CNTN4: variants seen among roughly 807,000 people sequenced by gnomAD.
CNTN4 encodes contactin 4.
A neutral mutation model predicts 122.5 loss-of-function variants in CNTN4; 77 were observed. The observed-to-expected ratio is 0.63, with a 90% CI of 0.52 to 0.76. The LOEUF (loss-of-function observed/expected upper bound fraction) is 0.76, where lower values mean the gene tolerates loss of function less well. CNTN4 is among the 30% of genes least tolerant of loss of function. CNTN4 has a pLI of 0.00. For synonymous variants in CNTN4, 512 were observed against 447.0 expected, an observed-to-expected ratio of 1.15 and a Z score of -1.83; for missense variants, 1,256 against 1,259.1, an observed-to-expected ratio of 1.00 and a Z score of 0.04.
intron 7 of CNTN4, among the ~76,000 whole-genome samples, chr3:2,835,109 GT>G (rs2093196102): frequency 6.6e-6 from 1 of 151,396 alleles, no homozygotes; most frequent in South Asian, 2.1e-4. Context: ...GTTTCACCGT[GT>G]TAGCCAGGAT....
rs896974764 is a variant in CNTN4 at position 2,885,115 on chromosome 3, A to G, written c.755+1868A>G. On this transcript the variant is annotated intron_variant, in intron 9 of 24. Coordinates refer to ENST00000418658, the MANE Select transcript of CNTN4 (RefSeq NM_175607.3). ...TGATGGCTTTAATGTTTTAAATACC[A>G]TCTCAGGTTTCCCAGAGAAGATTAG... Among the ~76,000 whole-genome samples, 7 of 152,342 alleles carry G rather than the reference A, an allele frequency of 4.6e-5. 1 individual carries two copies. The highest frequency in any genetic ancestry group is 2.4e-5 in the African/African-American group (1 of 41,580).
intron 3 of CNTN4, among the ~76,000 whole-genome samples, chr3:2,478,836 A>T (rs984552322): frequency 1.3e-5 from 2 of 152,162 alleles, no homozygotes; most frequent in Non-Finnish European, 2.9e-5. Context: ...TCTGTCACTG[A>T]TGGACATTTA....
At chr3:2,793,056 C>T (rs1234893847) in intron 6 of CNTN4, among the ~76,000 whole-genome samples, 1 of 152,116 alleles carries the variant, frequency 6.6e-6, no homozygotes, top group Non-Finnish European at 1.5e-5. Flanking sequence ...AGTTCAGTTG[C>T]TGAATTATTT....
chr3:2,877,367 G>A (rs934261703), intron 8 of CNTN4, among the ~76,000 whole-genome samples: 6 of 152,146 alleles, frequency 3.9e-5, no homozygotes, highest in Non-Finnish European at 7.3e-5. Flanking sequence ...TTCAAGTGCC[G>A]TAACCTTCAT....
In CNTN4 at chr3:2,810,801, G is replaced by T. The variant is rs115033861; in HGVS notation, c.359-8685G>T. 6.2e-3 allele frequency among the ~76,000 whole-genome samples: 937 copies of T among 152,284 alleles called. 9 individuals are homozygous for T. Among genetic ancestry groups the T allele is most frequent in the African/African-American group, 0.021 (875 of 41,556 alleles). ...GAAGAAGGTATTTATGGTTTAAAAT[G>T]ATATTTTTGTAATTCCAAAGTAATA... On this transcript the variant is annotated intron_variant, in intron 6 of 24. Transcript: ENST00000418658.
intron 3 of CNTN4, among the ~76,000 whole-genome samples, chr3:2,448,025 A>G (rs893819068): frequency 6.6e-6 from 1 of 152,216 alleles, no homozygotes; most frequent in Non-Finnish European, 1.5e-5. Flanking sequence ...ACTGTGATAT[A>G]CTTCTCCTAC....
intron 3 of CNTN4, among the ~76,000 whole-genome samples, chr3:2,412,876 G>A (rs903034674): frequency 6.6e-6 from 1 of 152,130 alleles, no homozygotes; most frequent in Non-Finnish European, 1.5e-5. Context: ...TATATTAGCT[G>A]TATCTTGCTT....
chr3:2,240,574 C>A (rs2039890968), intron 2 of CNTN4, among the ~76,000 whole-genome samples: 1 of 151,902 alleles, frequency 6.6e-6, no homozygotes, highest in Non-Finnish European at 1.5e-5. Flanking sequence ...TAGAGTAAAC[C>A]TACAAAATTG....
chr3:2,392,999 G>T (rs552836821), intron 3 of CNTN4, among the ~76,000 whole-genome samples: 14 of 152,276 alleles, frequency 9.2e-5, no homozygotes, highest in Admixed American at 2.0e-4. Flanking sequence ...TTAAACAACA[G>T]AAATTTATCG....
intron 3 of CNTN4, among the ~76,000 whole-genome samples, chr3:2,483,076 G>A (rs571307361): frequency 6.6e-6 from 1 of 152,304 alleles, no homozygotes; most frequent in East Asian, 1.9e-4. Context: ...ATGCCAGCCT[G>A]TGAAAGCAGC....
At chr3:2,345,413 C>A (rs951192083) in intron 3 of CNTN4, among the ~76,000 whole-genome samples, 6 of 152,020 alleles carry the variant, frequency 3.9e-5, no homozygotes, top group African/African-American at 1.4e-4. Context: ...AATTTTTAAT[C>A]TTAAGTATGG....
chr3:2,189,714 A>AT (rs1429325277), intron 2 of CNTN4, among the ~76,000 whole-genome samples: 1 of 151,262 alleles, frequency 6.6e-6, no homozygotes, highest in East Asian at 2.0e-4. Context: ...TACGATTTCC[A>AT]TAGAACTCTG....
At chr3:2,954,425 A>T (rs1257321715) in intron 13 of CNTN4, among the ~76,000 whole-genome samples, 1 of 152,048 alleles carries the variant, frequency 6.6e-6, no homozygotes, top group Admixed American at 6.6e-5. Flanking sequence ...TTAAATTGTC[A>T]TTGTGTCAAA....
chr3:2,514,002 C>T (rs755975919), intron 3 of CNTN4, among the ~76,000 whole-genome samples: 1 of 152,126 alleles, frequency 6.6e-6, no homozygotes, highest in Non-Finnish European at 1.5e-5. Context: ...CAAATCTACC[C>T]AACAACATTG....
At chr3:2,898,003 G>A (rs2094133562) in intron 10 of CNTN4, among the ~76,000 whole-genome samples, 1 of 152,046 alleles carries the variant, frequency 6.6e-6, no homozygotes, top group Non-Finnish European at 1.5e-5. Context: ...TAAGGACTTT[G>A]AACTAGGTAA....
intron 3 of CNTN4, among the ~76,000 whole-genome samples, chr3:2,381,239 C>T (rs1314972015): frequency 1.3e-5 from 2 of 152,140 alleles, no homozygotes; most frequent in Non-Finnish European, 2.9e-5. Flanking sequence ...ATCTCCTGAC[C>T]TCGTGATCCA....
At chr3:2,734,389 A>G (rs2088924743) in intron 4 of CNTN4, among the ~76,000 whole-genome samples, 1 of 152,160 alleles carries the variant, frequency 6.6e-6, no homozygotes, top group South Asian at 2.1e-4. Flanking sequence ...CTGATAAAGA[A>G]TCACTGGCCT....
intron 2 of CNTN4, among the ~76,000 whole-genome samples, chr3:2,287,594 C>A (rs562782875): frequency 7.1e-6 from 1 of 140,620 alleles, no homozygotes; most frequent in Non-Finnish European, 1.5e-5. Flanking sequence ...CAGAGTGAGA[C>A]CCTGTCTAAA....
At chr3:2,102,149 T>C (rs2032029123) in intron 2 of CNTN4, among the ~76,000 whole-genome samples, 1 of 152,204 alleles carries the variant, frequency 6.6e-6, no homozygotes, top group Admixed American at 6.5e-5. Context: ...AAAGACTAAG[T>C]ACCAATGGTC....
Sources: allele counts gnomAD v4.1 joint callset (sites outside exome capture counted in the v4.1 genomes callset), GRCh38; gene constraint gnomAD v4.1.1; transcripts MANE v1.5; gene names NCBI Gene and HGNC (gene_info 2026-07-23, HGNC 2026-07-21).